Variants in CATSPERT observed in about 807,000 individuals in gnomAD.
CATSPERT encodes cation channel sperm-associated targeting subunit tau.
chr2:201,489,086 A>G, the CATSPERT span, among the ~76,000 whole-genome samples: 1 of 152,056 alleles, frequency 6.6e-6, no homozygotes, highest in Non-Finnish European at 1.5e-5. Context: ...CCTTTGGGAG[A>G]TTCCTGGATT....
the CATSPERT span, among the ~76,000 whole-genome samples, chr2:201,498,366 G>A: frequency 9.3e-5 from 14 of 151,266 alleles, no homozygotes; most frequent in African/African-American, 3.4e-4. Flanking sequence ...GGAGTCTGAT[G>A]TCCCAGGGCA....
the CATSPERT span, among the ~76,000 whole-genome samples, chr2:201,544,606 A>G: frequency 2.0e-5 from 3 of 152,002 alleles, no homozygotes; most frequent in Non-Finnish European, 2.9e-5. Context: ...AGAGACCAAT[A>G]GCTCTATAGT....
the CATSPERT span, among the ~76,000 whole-genome samples, chr2:201,551,210 T>C: frequency 2.0e-5 from 3 of 152,236 alleles, no homozygotes; most frequent in Non-Finnish European, 4.4e-5. Context: ...TCAGTTAGTA[T>C]ATCATGAATG....
the CATSPERT span, chr2:201,554,848 T>C: frequency 8.2e-6 from 1 of 122,356 alleles, no homozygotes; most frequent in South Asian, 2.9e-4. Flanking sequence ...TACACACTAA[T>C]TGGTTTTTTA....
the CATSPERT span, among the ~76,000 whole-genome samples, chr2:201,569,793 C>T: frequency 6.6e-6 from 1 of 152,160 alleles, no homozygotes; most frequent in Non-Finnish European, 1.5e-5. Context: ...CTAGCTAATT[C>T]ACTGTGAGCC....
chr2:201,614,278 A>C, the CATSPERT span, among the ~76,000 whole-genome samples: 30 of 152,286 alleles, frequency 2.0e-4, no homozygotes, highest in African/African-American at 4.1e-4. Flanking sequence ...AAAGTTGAAA[A>C]GTAGGAAAAA....
the CATSPERT span, among the ~76,000 whole-genome samples, chr2:201,539,511 GTT>G: frequency 0.1 from 9,368 of 89,632 alleles, 339 homozygotes; most frequent in African/African-American, 0.19. Context: ...TTTTAACGAG[GTT>G]TTTTTTTTTT....
the CATSPERT span, among the ~76,000 whole-genome samples, chr2:201,579,207 T>G: frequency 6.6e-6 from 1 of 152,110 alleles, no homozygotes; most frequent in African/African-American, 2.4e-5. Flanking sequence ...TTATTAAATT[T>G]TCCTAATTGT....
chr2:201,553,023 T>G, the CATSPERT span: 4 of 152,314 alleles, frequency 2.6e-5, no homozygotes, highest in Admixed American at 6.5e-5. Context: ...CGTCTACCAG[T>G]GATGATGAGA....
chr2:201,494,245 TTCATAC>T, the CATSPERT span: 1 of 1,536,994 alleles, frequency 6.5e-7, no homozygotes, highest in Middle Eastern at 1.7e-4. Context: ...TGCTTCACTG[TTCATAC>T]TAACTTCTGG....
chr2:201,599,953 TCA>T, the CATSPERT span, among the ~76,000 whole-genome samples: 3 of 152,224 alleles, frequency 2.0e-5, no homozygotes, highest in Non-Finnish European at 4.4e-5. Flanking sequence ...CCTTGTTTTT[TCA>T]TTGCTTAAAA....
At chr2:201,510,791 G>A in the CATSPERT span, among the ~76,000 whole-genome samples, 1 of 152,132 alleles carries the variant, frequency 6.6e-6, no homozygotes, top group Non-Finnish European at 1.5e-5. Flanking sequence ...GGAGAATACT[G>A]ACATAACCTA....
At chr2:201,570,093 G>A in the CATSPERT span, among the ~76,000 whole-genome samples, 8,372 of 152,138 alleles carry the variant, frequency 0.055, 282 homozygotes, top group African/African-American at 0.08. Context: ...GAGGAGGGAG[G>A]ATTGATTGAG....
the CATSPERT span, among the ~76,000 whole-genome samples, chr2:201,543,666 T>C: frequency 1.3e-5 from 2 of 152,162 alleles, no homozygotes; most frequent in African/African-American, 4.8e-5. Context: ...ATTGTTAGTG[T>C]ATAGAAACAA....
the CATSPERT span, chr2:201,572,002 T>C: frequency 6.2e-7 from 1 of 1,612,922 alleles, no homozygotes; most frequent in South Asian, 1.1e-5. Context: ...GGCTCAGTAA[T>C]TTTCTGAAGA....
the CATSPERT span, among the ~76,000 whole-genome samples, chr2:201,566,460 G>T: frequency 1.3e-5 from 2 of 149,272 alleles, no homozygotes; most frequent in Admixed American, 6.8e-5. Flanking sequence ...GCAGTGTTTG[G>T]TTTTTTGTCC....
chr2:201,556,545 G>T, the CATSPERT span, among the ~76,000 whole-genome samples: 1 of 148,348 alleles, frequency 6.7e-6, no homozygotes, highest in African/African-American at 2.5e-5. Context: ...CTCCAAAAAA[G>T]TAGTAAGTGT....
the CATSPERT span, among the ~76,000 whole-genome samples, chr2:201,591,884 G>T: frequency 2.6e-5 from 4 of 151,576 alleles, no homozygotes; most frequent in Non-Finnish European, 5.9e-5. Context: ...GGAGATTTTG[G>T]GCTGAGACAA....
At chr2:201,610,520 A>G in the CATSPERT span, among the ~76,000 whole-genome samples, 1 of 152,100 alleles carries the variant, frequency 6.6e-6, no homozygotes, top group African/African-American at 2.4e-5. Flanking sequence ...TCACTGCTGA[A>G]TTCTACCAAA....
Sources: gnomAD v4.1 joint callset for allele counts (sites outside exome capture counted in the v4.1 genomes callset) on GRCh38, gnomAD v4.1.1 for gene constraint, MANE v1.5 for transcripts, NCBI Gene and HGNC (gene_info 2026-07-23, HGNC 2026-07-21) for gene names.